Variants in BRINP3 observed in about 807,000 individuals in gnomAD.
The protein encoded by BRINP3 is BMP/retinoic acid-inducible neural-specific protein 3.
BRINP3 carries 19 observed loss-of-function variants against 71.0 expected under a neutral mutation model. The observed-to-expected ratio is 0.27, with a 90% confidence interval of 0.19 to 0.39. The LOEUF (loss-of-function observed/expected upper bound fraction) is 0.39, where lower values mean the gene tolerates loss of function less well. Among genes scored for constraint, BRINP3 ranks in the 10% least tolerant of loss-of-function variants. The pLI, the probability that BRINP3 is intolerant of heterozygous loss-of-function variation, is 1.00. For synonymous variants in BRINP3, 380 were observed against 337.7 expected (o/e 1.13, Z -1.37); for missense variants, 959 against 940.8 (o/e 1.02, Z -0.25).
chr1:190,294,493 C>T (rs188688574), intron 2 of BRINP3, among the ~76,000 whole-genome samples: 39 of 152,088 alleles, frequency 2.6e-4, no homozygotes, highest in Non-Finnish European at 1.3e-4. Flanking sequence ...CTCAAGTGAT[C>T]CTCCTGCCTT....
chr1:190,230,240 G>T (rs994418047), intron 5 of BRINP3, among the ~76,000 whole-genome samples: 2 of 151,794 alleles, frequency 1.3e-5, no homozygotes, highest in African/African-American at 4.8e-5. Flanking sequence ...GGAAATAAAT[G>T]ATATTTGTTA....
chr1:190,328,942 T>C (rs1325292376), intron 2 of BRINP3, among the ~76,000 whole-genome samples: 4 of 152,042 alleles, frequency 2.6e-5, no homozygotes, highest in Non-Finnish European at 5.9e-5. Context: ...TCTCAATGCC[T>C]GCAGAAAAAG....
chr1:190,298,423 T>C (rs1229267981), intron 2 of BRINP3, among the ~76,000 whole-genome samples: 1 of 152,032 alleles, frequency 6.6e-6, no homozygotes, highest in Non-Finnish European at 1.5e-5. Context: ...AGCATATTAT[T>C]GGTTTGATTT....
intron 7 of BRINP3, among the ~76,000 whole-genome samples, chr1:190,150,928 G>T (rs370555837): frequency 5.3e-5 from 8 of 152,018 alleles, no homozygotes; most frequent in East Asian, 1.9e-4. Context: ...TACGAGATGG[G>T]ATTCTACTGT....
chr1:190,268,788 A>C (rs1420785544), intron 3 of BRINP3, among the ~76,000 whole-genome samples: 3 of 152,164 alleles, frequency 2.0e-5, no homozygotes, highest in South Asian at 2.1e-4. Context: ...ATAATGGATT[A>C]GATCACACCA....
chr1:190,127,959 C>T (rs1264432232), intron 7 of BRINP3, among the ~76,000 whole-genome samples: 2 of 151,700 alleles, frequency 1.3e-5, no homozygotes, highest in African/African-American at 2.4e-5. Context: ...AAAGAAAAGA[C>T]AAAGAGTGAT....
chr1:190,310,784 C>T (rs1484157849), intron 2 of BRINP3, among the ~76,000 whole-genome samples: 1 of 151,692 alleles, frequency 6.6e-6, no homozygotes, highest in Non-Finnish European at 1.5e-5. Context: ...AATTGCTCAT[C>T]TTTCAAAATC....
intron 2 of BRINP3, among the ~76,000 whole-genome samples, chr1:190,367,440 GGCCTGTGATAGGA>G (rs1669581913): frequency 6.6e-6 from 1 of 152,174 alleles, no homozygotes; most frequent in South Asian, 2.1e-4. Context: ...TAGGCCTCCA[GGCCTGTGATAGGA>G]GGTGCTGCTG....
intron 2 of BRINP3, among the ~76,000 whole-genome samples, chr1:190,368,578 C>T (rs1261457975): frequency 6.6e-6 from 1 of 152,076 alleles, no homozygotes; most frequent in African/African-American, 2.4e-5. Flanking sequence ...TAACAGGGCC[C>T]ATTTAAGATT....
rs551331742 is a variant in BRINP3 at position 190,133,186 on chromosome 1, G to A, written c.1184+27482C>T. Among the ~76,000 whole-genome samples the A allele has an allele frequency of 6.6e-5, 10 of 152,128 alleles. No homozygotes were observed. The South Asian group carries it at 1.9e-3, about 28-fold the overall frequency. ...TTTGTTTTGCAGCCATAGATAACTAGCATTTTATAGATTATAGTAAGACTA... is the reference window on the plus strand; with the variant it reads ...TTTGTTTTGCAGCCATAGATAACTAACATTTTATAGATTATAGTAAGACTA... On this transcript the variant is annotated intron_variant, in intron 7 of 7. Transcript: ENST00000367462.
intron 7 of BRINP3, among the ~76,000 whole-genome samples, chr1:190,137,209 GA>G (rs2102374009): frequency 6.6e-6 from 1 of 152,146 alleles, no homozygotes; most frequent in South Asian, 2.1e-4. Flanking sequence ...GTAAAATTTT[GA>G]AGGCCCAAGG....
At chr1:190,280,606 C>T (rs1662961712) in intron 3 of BRINP3, among the ~76,000 whole-genome samples, 1 of 151,880 alleles carries the variant, frequency 6.6e-6, no homozygotes, top group Non-Finnish European at 1.5e-5. Flanking sequence ...ACAAGACATC[C>T]TCTAAGGCTA....
intron 2 of BRINP3, among the ~76,000 whole-genome samples, chr1:190,309,766 A>G (rs1665387237): frequency 6.6e-6 from 1 of 151,756 alleles, no homozygotes; most frequent in Non-Finnish European, 1.5e-5. Flanking sequence ...ATCCCATTTT[A>G]CTTAGGAAAT....
At chr1:190,340,811 CCTT>C (rs1010690129) in intron 2 of BRINP3, among the ~76,000 whole-genome samples, 7 of 151,624 alleles carry the variant, frequency 4.6e-5, no homozygotes. Flanking sequence ...TCAGCTCAAT[CCTT>C]ATTCTCTAAA....
At chr1:190,345,709 C>G (rs1239147395) in intron 2 of BRINP3, among the ~76,000 whole-genome samples, 1 of 123,594 alleles carries the variant, frequency 8.1e-6, no homozygotes, top group Non-Finnish European at 1.7e-5. Flanking sequence ...TAGCCATTTA[C>G]CTTCAGAAAA....
intron 7 of BRINP3, among the ~76,000 whole-genome samples, chr1:190,160,224 G>A (rs998545686): frequency 1.3e-5 from 2 of 151,898 alleles, no homozygotes; most frequent in Non-Finnish European, 2.9e-5. Flanking sequence ...AGTTTTTGTA[G>A]AATTAGGTTT....
intron 6 of BRINP3, among the ~76,000 whole-genome samples, chr1:190,165,219 A>T (rs1003471106): frequency 6.6e-6 from 1 of 152,080 alleles, no homozygotes; most frequent in Admixed American, 6.6e-5. Context: ...ATCATTTCTG[A>T]TTTTATATTA....
chr1:190,160,909 C>T lies in BRINP3; in HGVS notation c.962-19G>A. 6.5e-7 allele frequency: 1 copy of T among 1,535,516 alleles called. No homozygotes were observed. Among genetic ancestry groups the T allele is most frequent in the Non-Finnish European group, 8.9e-7 (1 of 1,122,560 alleles). On this transcript the variant is annotated intron_variant, in intron 6 of 7. Coordinates refer to ENST00000367462, the MANE Select transcript of BRINP3 (RefSeq NM_199051.3). ...AATTCATCTGAAAAATGTCAAAATTCAACACTTTAATTATGAAACAATTAT... is the reference window on the plus strand; with the variant it reads ...AATTCATCTGAAAAATGTCAAAATTTAACACTTTAATTATGAAACAATTAT...
At chr1:190,194,316 A>G (rs1290723525) in intron 6 of BRINP3, among the ~76,000 whole-genome samples, 1 of 152,094 alleles carries the variant, frequency 6.6e-6, no homozygotes, top group Non-Finnish European at 1.5e-5. Context: ...TGACACCTTG[A>G]TTTTGGACCT....
Sources: allele counts gnomAD v4.1 joint callset (sites outside exome capture counted in the v4.1 genomes callset), GRCh38; gene constraint gnomAD v4.1.1; transcripts MANE v1.5; gene names NCBI Gene and HGNC (gene_info 2026-07-23, HGNC 2026-07-21).